THSD7B: variants seen among roughly 807,000 people sequenced by gnomAD.
The protein encoded by THSD7B is thrombospondin type-1 domain-containing protein 7B.
In THSD7B, 138 loss-of-function variants were observed where a neutral mutation model predicts 213.6. The observed-to-expected ratio is 0.65, with a 90% CI of 0.56 to 0.74. THSD7B has a LOEUF of 0.74. THSD7B is among the 30% of genes least tolerant of loss of function. THSD7B has a pLI of 0.00. For missense variants in THSD7B, 1,931 were observed against 1,991.5 expected (o/e 0.97, Z 0.58); for synonymous variants, 742 against 687.0 (o/e 1.08, Z -1.25).
At chr2:137,473,330 C>T (rs1688128946) in intron 15 of THSD7B, among the ~76,000 whole-genome samples, 1 of 151,986 alleles carries the variant, frequency 6.6e-6, no homozygotes, top group Non-Finnish European at 1.5e-5. Flanking sequence ...CGCCATTCTC[C>T]TGCCTCAGCC....
At chr2:136,957,950 A>G (rs1004417600) in intron 2 of THSD7B, among the ~76,000 whole-genome samples, 1 of 152,202 alleles carries the variant, frequency 6.6e-6, no homozygotes, top group African/African-American at 2.4e-5. Flanking sequence ...TACAATAACT[A>G]AAATAGTTAT....
chr2:136,990,482 G>C (rs369311173), intron 2 of THSD7B, among the ~76,000 whole-genome samples: 45 of 152,136 alleles, frequency 3.0e-4, no homozygotes, highest in East Asian at 2.3e-3. Context: ...AGAACTGTAG[G>C]GGGGGGACCA....
chr2:137,033,205 C>T (rs1348285373), intron 2 of THSD7B, among the ~76,000 whole-genome samples: 2 of 152,176 alleles, frequency 1.3e-5, no homozygotes, highest in African/African-American at 4.8e-5. Flanking sequence ...ACTGGCTAGA[C>T]CTAGCTGTTC....
At chr2:137,021,732 A>G (rs1686448397) in intron 2 of THSD7B, among the ~76,000 whole-genome samples, 1 of 152,188 alleles carries the variant, frequency 6.6e-6, no homozygotes, top group Non-Finnish European at 1.5e-5. Context: ...GTGCCTGTTT[A>G]TAGACACACC....
chr2:137,141,002 TG>T (rs1034142044), intron 5 of THSD7B, among the ~76,000 whole-genome samples: 7 of 152,132 alleles, frequency 4.6e-5, no homozygotes, highest in African/African-American at 1.7e-4. Flanking sequence ...TATCTCTCTA[TG>T]AAAGGAGTGT....
intron 14 of THSD7B, among the ~76,000 whole-genome samples, chr2:137,420,079 C>G (rs960683257): frequency 6.6e-6 from 1 of 152,090 alleles, no homozygotes; most frequent in African/African-American, 2.4e-5. Flanking sequence ...TACGAGGGTT[C>G]CCCTTTCTCC....
intron 1 of THSD7B, among the ~76,000 whole-genome samples, chr2:136,773,913 T>C (rs1681555253): frequency 6.6e-6 from 1 of 151,830 alleles, no homozygotes; most frequent in Non-Finnish European, 1.5e-5. Context: ...AAGAAACCAC[T>C]TCCATGACTG....
At chr2:137,207,977 A>G (rs72852285) in intron 7 of THSD7B, among the ~76,000 whole-genome samples, 112 of 152,148 alleles carry the variant, frequency 7.4e-4, no homozygotes, top group Non-Finnish European at 5.4e-4. Flanking sequence ...GTGTTCCCAG[A>G]CCAAACAGGG....
chr2:137,342,395 GTT>G (rs59371207), intron 12 of THSD7B, among the ~76,000 whole-genome samples: 48 of 150,374 alleles, frequency 3.2e-4, no homozygotes, highest in African/African-American at 7.3e-4. Flanking sequence ...TCTAACAGGG[GTT>G]TTTTTTTTGG....
intron 20 of THSD7B, among the ~76,000 whole-genome samples, chr2:137,623,017 C>T (rs1558863171): frequency 6.6e-6 from 1 of 152,082 alleles, no homozygotes; most frequent in Admixed American, 6.5e-5. Context: ...CTGGCAGAGA[C>T]ACAACAAAAA....
chr2:137,427,482 TTGTG>T (rs745951294), intron 14 of THSD7B, among the ~76,000 whole-genome samples: 1 of 151,292 alleles, frequency 6.6e-6, no homozygotes, highest in Admixed American at 6.6e-5. Flanking sequence ...GTGTGTGTGC[TTGTG>T]TGTGTGTGTA....
At position 137,411,736 on chromosome 2, in the gene THSD7B, A is replaced by T; in HGVS notation, c.2823A>T (p.Glu941Asp). The change falls in exon 14 of 28, where the codon GAA (glutamate) becomes GAT (aspartate). Residue 941 changes from glutamate (E) to aspartate (D), a missense_variant. Physicochemically the swap from Glu to Asp is conservative, Grantham distance 45. Transcript: ENST00000409968. ...ACTGGTCAGATTGCATTCTTCCAGA[A>T]GGCAGAAGGGAGCCTCACCGAGGAC... ...YGNWSDCILP[E>D]GRREPHRGLR... The T allele has an allele frequency of 6.2e-7, 1 of 1,613,986 alleles. No individual in the cohort carries two copies. The highest frequency in any genetic ancestry group is 8.5e-7 in the Non-Finnish European group (1 of 1,179,892).
At chr2:136,970,234 C>G (rs1163947490) in intron 2 of THSD7B, among the ~76,000 whole-genome samples, 3 of 151,976 alleles carry the variant, frequency 2.0e-5, no homozygotes, top group African/African-American at 7.3e-5. Flanking sequence ...GAGGCTGAGG[C>G]AGGTGGATCG....
intron 12 of THSD7B, among the ~76,000 whole-genome samples, chr2:137,397,061 T>C (rs1249571808): frequency 1.4e-5 from 2 of 146,712 alleles, no homozygotes; most frequent in Admixed American, 6.8e-5. Context: ...TGTGTGTCTC[T>C]GCACGTGAGA....
intron 12 of THSD7B, among the ~76,000 whole-genome samples, chr2:137,302,674 G>A (rs998046726): frequency 6.6e-6 from 1 of 152,038 alleles, no homozygotes; most frequent in African/African-American, 2.4e-5. Context: ...TTGCTCTTTT[G>A]TTTTGTTTCT....
chr2:137,373,108 T>C (rs1222530671), intron 12 of THSD7B, among the ~76,000 whole-genome samples: 1 of 152,076 alleles, frequency 6.6e-6, no homozygotes, highest in Non-Finnish European at 1.5e-5. Flanking sequence ...TGTTGGACAT[T>C]TGGGTTGGTT....
At chr2:137,566,902 A>G (rs557287585) in intron 16 of THSD7B, among the ~76,000 whole-genome samples, 2 of 152,160 alleles carry the variant, frequency 1.3e-5, no homozygotes, top group South Asian at 4.1e-4. Flanking sequence ...GGTCAGCAAA[A>G]TATTTGAGCA....
chr2:137,204,610 GACAT>G (rs1313572760), intron 7 of THSD7B, among the ~76,000 whole-genome samples: 1 of 152,090 alleles, frequency 6.6e-6, no homozygotes, highest in Non-Finnish European at 1.5e-5. Context: ...TCAGAAATGA[GACAT>G]TTTCATTTAC....
chr2:137,657,964 G>T (rs1366571195), intron 24 of THSD7B, among the ~76,000 whole-genome samples: 1 of 152,188 alleles, frequency 6.6e-6, no homozygotes, highest in African/African-American at 2.4e-5. Flanking sequence ...GCCCGCCTCG[G>T]CCTCCCAAAG....
Sources: gnomAD v4.1 joint callset for allele counts (sites outside exome capture counted in the v4.1 genomes callset) on GRCh38, gnomAD v4.1.1 for gene constraint, MANE v1.5 for transcripts, NCBI Gene and HGNC (gene_info 2026-07-23, HGNC 2026-07-21) for gene names.